The following GPHN variants were observed in gnomAD, a reference collection of about 807,000 sequenced individuals.
GPHN encodes the protein gephyrin.
Under a neutral mutation model 95.5 loss-of-function variants are expected in GPHN, and 17 were observed. That is an observed-to-expected ratio of 0.18 (90% confidence interval 0.12 to 0.27). The LOEUF is 0.27. Among genes scored for constraint, GPHN ranks in the 10% least tolerant of loss-of-function variants. The pLI, the probability that GPHN is intolerant of heterozygous loss-of-function variation, is 1.00. For synonymous variants in GPHN, 320 were observed against 322.5 expected, an observed-to-expected ratio of 0.99 and a Z score of 0.08; for missense variants, 660 against 978.1, an observed-to-expected ratio of 0.67 and a Z score of 4.34.
intron 10 of GPHN, among the ~76,000 whole-genome samples, chr14:67,039,387 G>A (rs537169766): frequency 6.6e-6 from 1 of 152,066 alleles, no homozygotes; most frequent in Non-Finnish European, 1.5e-5. Context: ...TGTTTTGTTT[G>A]TACTTTAAAA....
At chr14:66,935,156 A>G (rs1365911784) in intron 8 of GPHN, among the ~76,000 whole-genome samples, 1 of 152,208 alleles carries the variant, frequency 6.6e-6, no homozygotes, top group Admixed American at 6.5e-5. Context: ...CCTCAAGGCA[A>G]CTGATAGGTT....
chr14:67,125,729 A>G (rs1258505089), intron 17 of GPHN, among the ~76,000 whole-genome samples: 1 of 151,808 alleles, frequency 6.6e-6, no homozygotes, highest in African/African-American at 2.4e-5. Flanking sequence ...GTGAGCCAAC[A>G]TCGTGCCACT....
chr14:67,186,622 G>C (rs1421220224), downstream of GPHN, among the ~76,000 whole-genome samples: 3 of 152,176 alleles, frequency 2.0e-5, no homozygotes, highest in Non-Finnish European at 4.4e-5. Context: ...CCCAGTTGCT[G>C]ATTCTGAGAA....
chr14:66,728,891 A>G (rs2071500913), intron 2 of GPHN, among the ~76,000 whole-genome samples: 1 of 152,134 alleles, frequency 6.6e-6, no homozygotes, highest in Admixed American at 6.5e-5. Context: ...GGGTGGAATG[A>G]TATGGTTTGG....
chr14:67,575,646 C>T, the GPHN span: 110 of 703,148 alleles, frequency 1.6e-4, no homozygotes, highest in Non-Finnish European at 2.5e-4. Context: ...TCTGGTGCTT[C>T]TCCAAGCAAG....
the GPHN span, among the ~76,000 whole-genome samples, chr14:67,324,483 G>A: frequency 6.6e-6 from 1 of 151,988 alleles, no homozygotes; most frequent in Non-Finnish European, 1.5e-5. Context: ...CACTCAGATT[G>A]CCTCATTTCA....
At chr14:66,778,271 C>T (rs980963277) in intron 3 of GPHN, among the ~76,000 whole-genome samples, 5 of 152,256 alleles carry the variant, frequency 3.3e-5, no homozygotes, top group East Asian at 1.9e-4. Flanking sequence ...TTACAAGGGA[C>T]ATGAAGGACC....
chr14:66,539,902 T>C (rs1352580279), intron 1 of GPHN, among the ~76,000 whole-genome samples: 1 of 152,238 alleles, frequency 6.6e-6, no homozygotes, highest in African/African-American at 2.4e-5. Context: ...ATAAGCACTC[T>C]GGTGTCTTAA....
chr14:67,715,517 C>T, the GPHN span, among the ~76,000 whole-genome samples: 1 of 152,250 alleles, frequency 6.6e-6, no homozygotes, highest in South Asian at 2.1e-4. Context: ...CTGAGCACCT[C>T]ACCACAGTGC....
At chr14:67,174,502 C>T (rs565982282) in intron 21 of GPHN, among the ~76,000 whole-genome samples, 1 of 152,190 alleles carries the variant, frequency 6.6e-6, no homozygotes, top group South Asian at 2.1e-4. Context: ...TGGGTTGGTT[C>T]CAAGTCTTTG....
chr14:66,851,458 G>T lies in GPHN; in HGVS notation c.294+26892G>T, dbSNP rs965134723. 4.6e-5 allele frequency among the ~76,000 whole-genome samples: 7 copies of T among 151,748 alleles called. No individual in the cohort carries two copies. In the East Asian group the frequency reaches 1.3e-3, roughly 29 times the overall value. ...GGAACCATATAATATGTAATCTTTT[G>T]TGTCTGGATTCTTTTGTTTAGTGTC... is the stretch of plus-strand genomic sequence containing the variant. On this transcript the variant is annotated intron_variant, in intron 4 of 22. Transcript: ENST00000478722.
At chr14:66,978,086 CTG>C (rs1164052191) in intron 9 of GPHN, among the ~76,000 whole-genome samples, 1 of 152,194 alleles carries the variant, frequency 6.6e-6, no homozygotes, top group African/African-American at 2.4e-5. Context: ...AAAAAACACA[CTG>C]TGCATACCTT....
chr14:66,896,476 A>G (rs1382169590), intron 5 of GPHN, among the ~76,000 whole-genome samples: 1 of 151,990 alleles, frequency 6.6e-6, no homozygotes, highest in Non-Finnish European at 1.5e-5. Flanking sequence ...AAATTAGACC[A>G]GCATGATAGC....
At chr14:66,908,410 C>T (rs1446226971) in intron 5 of GPHN, among the ~76,000 whole-genome samples, 2 of 151,936 alleles carry the variant, frequency 1.3e-5, no homozygotes, top group African/African-American at 2.4e-5. Context: ...TTATTATAAT[C>T]CAAAGTATAA....
intron 6 of GPHN, among the ~76,000 whole-genome samples, chr14:66,918,779 A>G (rs921284812): frequency 6.6e-6 from 1 of 152,156 alleles, no homozygotes; most frequent in African/African-American, 2.4e-5. Flanking sequence ...GCTGAGTGTA[A>G]AGACCAGACC....
intron 3 of GPHN, among the ~76,000 whole-genome samples, chr14:66,777,912 A>G (rs1461172983): frequency 6.6e-6 from 1 of 152,092 alleles, no homozygotes; most frequent in Non-Finnish European, 1.5e-5. Context: ...GAAAACTGGC[A>G]CAAGACAGGG....
intron 8 of GPHN, among the ~76,000 whole-genome samples, chr14:66,926,804 A>G (rs2153563688): frequency 6.6e-6 from 1 of 152,152 alleles, no homozygotes; most frequent in African/African-American, 2.4e-5. Flanking sequence ...TTTGATAGGG[A>G]TTGCATTGAG....
intron 18 of GPHN, 55 bp downstream of exon 18, chr14:67,143,504 T>C (rs1469647740): frequency 9.2e-7 from 1 of 1,085,348 alleles, no homozygotes; most frequent in East Asian, 2.4e-5. Context: ...TTGCATATGG[T>C]CGATTAACTG....
At chr14:66,962,618 T>A (rs1218307755) in intron 8 of GPHN, among the ~76,000 whole-genome samples, 1 of 151,932 alleles carries the variant, frequency 6.6e-6, no homozygotes, top group African/African-American at 2.4e-5. Flanking sequence ...CAATTTACTT[T>A]GCTTTATCAT....
Sources: gnomAD v4.1 joint callset for allele counts (sites outside exome capture counted in the v4.1 genomes callset) on GRCh38, gnomAD v4.1.1 for gene constraint, MANE v1.5 for transcripts, NCBI Gene and HGNC (gene_info 2026-07-23, HGNC 2026-07-21) for gene names.